CSDE1: variants seen among roughly 807,000 people sequenced by gnomAD.
CSDE1 encodes the protein cold shock domain containing E1.
In CSDE1, 17 loss-of-function variants were observed where a neutral mutation model predicts 89.3. That is an observed-to-expected ratio of 0.19 (90% CI 0.13 to 0.29). The LOEUF is 0.29. Ranked by LOEUF, CSDE1 falls within the 10% of genes least tolerant of loss-of-function variation. CSDE1 has a pLI of 1.00. For missense variants in CSDE1, 672 were observed against 984.2 expected, an observed-to-expected ratio of 0.68 and a Z score of 4.24; for synonymous variants, 322 against 332.8, an observed-to-expected ratio of 0.97 and a Z score of 0.35.
intron 1 of CSDE1, among the ~76,000 whole-genome samples, chr1:114,754,901 G>T (rs1661509032): frequency 6.6e-6 from 1 of 152,110 alleles, no homozygotes; most frequent in Admixed American, 6.5e-5. Context: ...AGGACAAATG[G>T]CAGTGTGGGA....
chr1:114,732,639 T>A lies in CSDE1; in HGVS notation c.1015A>T (p.Asn339Tyr), dbSNP rs374638100. The change falls in exon 10 of 20, where the codon AAT becomes TAT. Residue 339 changes from asparagine (N) to tyrosine (Y), a missense_variant. Coordinates refer to ENST00000358528, the MANE Select transcript of CSDE1 (RefSeq NM_001007553.3). The part of the protein sequence containing the change: ...ERATNIEVLS[N>Y]TFQFTNEARE... ...GCTTCATTAGTGAACTGAAATGTATTTGACAGAACTTCTATATTGGTTGCT... is the reference window on the plus strand; with the variant it reads ...GCTTCATTAGTGAACTGAAATGTATATGACAGAACTTCTATATTGGTTGCT... The A allele has an allele frequency of 5.6e-5, 90 of 1,614,070 alleles. No homozygotes were observed. Among genetic ancestry groups the A allele is most frequent in the Non-Finnish European group, 7.5e-5 (88 of 1,180,038 alleles).
chr1:114,750,035 T>A lies in CSDE1; in HGVS notation c.-215A>T, dbSNP rs1318314082. ...GACTACTAGCAGCGTTGGGAAGTGC[T>A]CTTTCAAAGCTGTTGAGTAGGCACA... is the stretch of plus-strand genomic sequence containing the variant. On this transcript the variant is annotated 5_prime_UTR_variant, in exon 2 of 20. Coordinates refer to ENST00000358528, the MANE Select transcript of CSDE1 (RefSeq NM_001007553.3). 6.6e-6 allele frequency: 1 copy of A among 152,652 alleles called. No homozygotes were observed. The highest frequency in any genetic ancestry group is 1.5e-5 in the Non-Finnish European group (1 of 68,046). 9.5% of individuals were successfully genotyped at this position (152,652 alleles called of 1,614,324 possible). A position where few individuals can be genotyped will look rare whatever the true frequency, so the allele number is the denominator to read the frequency against.
At chr1:114,754,226 C>A (rs920799940) in intron 1 of CSDE1, among the ~76,000 whole-genome samples, 1 of 152,150 alleles carries the variant, frequency 6.6e-6, no homozygotes, top group Non-Finnish European at 1.5e-5. Flanking sequence ...CTCCTGACCT[C>A]AAGTGACCCA....
intron 2 of CSDE1, among the ~76,000 whole-genome samples, chr1:114,742,906 A>G (rs1047080398): frequency 2.0e-5 from 3 of 152,230 alleles, no homozygotes; most frequent in African/African-American, 7.2e-5. Flanking sequence ...AGTATTTCTA[A>G]CAGAACATTT....
Position 114,730,311 on chromosome 1 carries a change from C to G in CSDE1, c.1303G>C (p.Glu435Gln). ...DHRFLGTVEK[E>Q]ATFSNPKTTS... ...GTTTTAGGATTGGAAAAAGTGGCTT[C>G]TTTTTCTACCGTGCCCAGAAAACGG... The change falls in exon 12 of 20, where the codon GAA becomes CAA. Residue 435 changes from glutamate to glutamine, a missense_variant. Glu to Gln is a conservative substitution (Grantham distance 29). Transcript: ENST00000358528. 1 of 1,613,802 alleles carries G rather than the reference C, an allele frequency of 6.2e-7. No individual in the cohort carries two copies. Among genetic ancestry groups the G allele is most frequent in the East Asian group, 2.2e-5 (1 of 44,872 alleles).
chr1:114,724,110 G>A (rs996351234), intron 15 of CSDE1, 108 bp from the exon 16 acceptor site: 4 of 1,249,578 alleles, frequency 3.2e-6, no homozygotes, highest in Middle Eastern at 2.1e-4. Context: ...TAGGTTGGCT[G>A]GCTGCTATTG....
At chr1:114,719,508 G>C in intron 18 of CSDE1, 71 bp downstream of exon 18, 1 of 1,447,550 alleles carries the variant, frequency 6.9e-7, no homozygotes, top group South Asian at 1.4e-5. Flanking sequence ...AAAGTGATGT[G>C]ACAAAACAGA....
At position 114,732,666 on chromosome 1, in the gene CSDE1, G is replaced by T. The variant is rs746569183; in HGVS notation, c.988C>A (p.Arg330=). ...ISTDRRDKLE[R]ATNIEVLSNT... ...GACAGAACTTCTATATTGGTTGCTCGCTCTAATTTGTCACGTCGGTCTGTT... is the reference window on the plus strand; with the variant it reads ...GACAGAACTTCTATATTGGTTGCTCTCTCTAATTTGTCACGTCGGTCTGTT... Residue 330 remains arginine, a synonymous_variant, in exon 10 of 20, where the codon CGA becomes AGA. Coordinates refer to ENST00000358528, the MANE Select transcript of CSDE1 (RefSeq NM_001007553.3). The T allele has an allele frequency of 6.2e-7, 1 of 1,614,122 alleles. No individual in the cohort carries two copies. Among genetic ancestry groups the T allele is most frequent in the Non-Finnish European group, 8.5e-7 (1 of 1,180,018 alleles).
chr1:114,734,813 G>A (rs544121390), intron 6 of CSDE1, among the ~76,000 whole-genome samples: 155 of 152,284 alleles, frequency 1.0e-3, no homozygotes, highest in African/African-American at 3.5e-3. Context: ...GGTGCGTGAT[G>A]TTCTACTCTG....
At chr1:114,744,647 A>G in intron 2 of CSDE1, among the ~76,000 whole-genome samples, 1 of 152,180 alleles carries the variant, frequency 6.6e-6, no homozygotes, top group East Asian at 1.9e-4. Context: ...ATGGATGAGT[A>G]TATTTGTAAA....
At chr1:114,729,269 T>C (rs1659971857) in intron 12 of CSDE1, among the ~76,000 whole-genome samples, 1 of 151,862 alleles carries the variant, frequency 6.6e-6, no homozygotes, top group Admixed American at 6.6e-5. Flanking sequence ...CGGCTAATTT[T>C]TTTGTATTTT....
At chr1:114,749,438 A>C (rs1340916411) in intron 2 of CSDE1, among the ~76,000 whole-genome samples, 1 of 152,230 alleles carries the variant, frequency 6.6e-6, no homozygotes, top group East Asian at 1.9e-4. Flanking sequence ...TTCCTCAAGA[A>C]GCTAACATTG....
chr1:114,733,227 T>TA (rs981856286), intron 9 of CSDE1, among the ~76,000 whole-genome samples: 111 of 150,810 alleles, frequency 7.4e-4, no homozygotes, highest in African/African-American at 2.5e-3. Flanking sequence ...CATCACCCAG[T>TA]AAAAAAAAAT....
chr1:114,755,350 CTTG>C (rs779017446), intron 1 of CSDE1, among the ~76,000 whole-genome samples: 7 of 152,138 alleles, frequency 4.6e-5, no homozygotes, highest in Non-Finnish European at 7.3e-5. Flanking sequence ...AGCATAGAAG[CTTG>C]TTGTTAATAA....
At chr1:114,751,694 A>G (rs1039508406) in intron 1 of CSDE1, among the ~76,000 whole-genome samples, 1 of 122,814 alleles carries the variant, frequency 8.1e-6, no homozygotes, top group Non-Finnish European at 1.7e-5. Flanking sequence ...GGGAAGCTTT[A>G]AAAAAAAAAA....
chr1:114,735,183 T>C (rs78829203), intron 6 of CSDE1, among the ~76,000 whole-genome samples: 3,992 of 152,302 alleles, frequency 0.026, 91 homozygotes, highest in Non-Finnish European at 0.034. Flanking sequence ...CATATTTGTG[T>C]AGCAGCGATG....
At chr1:114,723,429 C>T (rs1032516539) in intron 16 of CSDE1, among the ~76,000 whole-genome samples, 3 of 152,112 alleles carry the variant, frequency 2.0e-5, no homozygotes, top group African/African-American at 7.2e-5. Context: ...GAAATAGGAT[C>T]CTCATAGAAC....
intron 2 of CSDE1, chr1:114,741,766 G>T: frequency 1.1e-6 from 1 of 906,006 alleles, no homozygotes; most frequent in Non-Finnish European, 1.5e-6. Flanking sequence ...TGGGTTTAGC[G>T]AAATATAAAT....
At position 114,723,789 on chromosome 1, in the gene CSDE1, A is replaced by C. The variant is rs780017942; in HGVS notation, c.1873+94T>G. 7.1e-6 allele frequency: 11 copies of C among 1,558,948 alleles called. No individual in the cohort carries two copies. In the East Asian group the frequency reaches 9.1e-5, roughly 13 times the overall value. On this transcript the variant is annotated intron_variant, in intron 16 of 19. Coordinates refer to ENST00000358528, the MANE Select transcript of CSDE1 (RefSeq NM_001007553.3). Reference sequence around the variant, plus strand: ...TTCCTTAATTCAGTTTTAAACCTAAAAACAACTGCAATAAGCACCATATTT... The same window carrying C: ...TTCCTTAATTCAGTTTTAAACCTAACAACAACTGCAATAAGCACCATATTT...
Sources: gnomAD v4.1 joint callset for allele counts (sites outside exome capture counted in the v4.1 genomes callset) on GRCh38, gnomAD v4.1.1 for gene constraint, MANE v1.5 for transcripts, NCBI Gene and HGNC (gene_info 2026-07-23, HGNC 2026-07-21) for gene names.